The following TRPM3 variants were observed in gnomAD, a reference collection of about 807,000 sequenced individuals.
The protein encoded by TRPM3 is long transient receptor potential channel 3.
In TRPM3, 77 loss-of-function variants were observed where a neutral mutation model predicts 181.2. The observed-to-expected ratio is 0.42, with a 90% confidence interval of 0.35 to 0.51. The LOEUF is 0.51. Ranked by LOEUF, TRPM3 falls within the 20% of genes least tolerant of loss-of-function variation. The probability of loss-of-function intolerance (pLI) is 0.01; values close to 1 mark genes in which losing one functional copy is unlikely to be tolerated. For synonymous variants in TRPM3, 745 were observed against 796.4 expected (o/e 0.94, Z 1.09); for missense variants, 1,759 against 2,196.7 (o/e 0.80, Z 3.98).
intron 1 of TRPM3, among the ~76,000 whole-genome samples, chr9:71,270,449 C>T (rs1026564868): frequency 1.3e-5 from 2 of 152,210 alleles, no homozygotes; most frequent in African/African-American, 4.8e-5. Context: ...GGCCCCTGCT[C>T]ACTGGACTCA....
chr9:71,346,425 A>T (rs1248540551), intron 1 of TRPM3, among the ~76,000 whole-genome samples: 1 of 152,224 alleles, frequency 6.6e-6, no homozygotes, highest in East Asian at 1.9e-4. Context: ...GTACTTTAAG[A>T]AATAAAATAA....
At chr9:71,317,716 G>A (rs2088777846) in intron 1 of TRPM3, among the ~76,000 whole-genome samples, 1 of 151,334 alleles carries the variant, frequency 6.6e-6, no homozygotes, top group African/African-American at 2.4e-5. Context: ...CGAGAGAGAA[G>A]GTGCAACAAA....
At chr9:70,587,557 C>T (rs574745914) in intron 22 of TRPM3, among the ~76,000 whole-genome samples, 64 of 152,288 alleles carry the variant, frequency 4.2e-4, no homozygotes, top group African/African-American at 1.4e-3. Flanking sequence ...AGCTTTGCTC[C>T]GGCCTTGGCA....
At chr9:71,145,418 T>C (rs913117700) in intron 1 of TRPM3, among the ~76,000 whole-genome samples, 5 of 152,136 alleles carry the variant, frequency 3.3e-5, no homozygotes, top group Admixed American at 1.3e-4. Flanking sequence ...ACTTTGAGAA[T>C]GGATTCTGAA....
At chr9:70,558,657 A>G (rs188989576) in intron 22 of TRPM3, among the ~76,000 whole-genome samples, 86 of 152,338 alleles carry the variant, frequency 5.6e-4, no homozygotes, top group Admixed American at 4.8e-3. Context: ...TGTAGGATTA[A>G]TGCAGCTGGG....
intron 1 of TRPM3, among the ~76,000 whole-genome samples, chr9:71,420,794 A>AAAGAGAGAGAGAAAGAGAGG (rs2093733448): frequency 1.5e-5 from 1 of 67,132 alleles, no homozygotes; most frequent in Non-Finnish European, 3.1e-5. Context: ...AGAAAGAGAG[A>AAAGAGAGAGAGAAAGAGAGG]GAAAGAAAGA....
At chr9:71,430,387 G>A (rs1443083933) in intron 1 of TRPM3, among the ~76,000 whole-genome samples, 1 of 152,150 alleles carries the variant, frequency 6.6e-6, no homozygotes, top group Non-Finnish European at 1.5e-5. Context: ...AAGAATGGAT[G>A]GAAATTCTTC....
intron 5 of TRPM3, among the ~76,000 whole-genome samples, chr9:70,828,742 C>A (rs202136279): frequency 4.6e-4 from 67 of 144,250 alleles, no homozygotes; most frequent in African/African-American, 1.6e-3. Context: ...ATACCTATTG[C>A]GAGCTAGTTG....
At chr9:70,805,613 T>C (rs1198427272) in intron 6 of TRPM3, among the ~76,000 whole-genome samples, 1 of 151,980 alleles carries the variant, frequency 6.6e-6, no homozygotes. Context: ...TTGGGTTTAT[T>C]TGAATAAAAG....
At chr9:70,855,605 A>G (rs2095365822) in intron 3 of TRPM3, among the ~76,000 whole-genome samples, 1 of 152,198 alleles carries the variant, frequency 6.6e-6, no homozygotes. Flanking sequence ...TGCTAAATCT[A>G]TTCTAACAAT....
chr9:71,162,220 AG>A (rs760549191), intron 1 of TRPM3, among the ~76,000 whole-genome samples: 20 of 145,208 alleles, frequency 1.4e-4, no homozygotes, highest in African/African-American at 4.0e-4. Flanking sequence ...AAAAAAAAAA[AG>A]AAGAAAAAGA....
intron 9 of TRPM3, among the ~76,000 whole-genome samples, chr9:70,653,088 C>A (rs117904172): frequency 0.031 from 4,765 of 152,116 alleles, 119 homozygotes; most frequent in Non-Finnish European, 0.041. Context: ...AAGGAAAGAA[C>A]ATGTACATGA....
chr9:71,353,582 T>G (rs1034908545), intron 1 of TRPM3, among the ~76,000 whole-genome samples: 1 of 152,194 alleles, frequency 6.6e-6, no homozygotes, highest in African/African-American at 2.4e-5. Flanking sequence ...CTCTTTCCTT[T>G]GCCAAAATTG....
chr9:71,083,232 T>C (rs2133788377), intron 1 of TRPM3, among the ~76,000 whole-genome samples: 1 of 152,236 alleles, frequency 6.6e-6, no homozygotes. Context: ...TAATGATAAC[T>C]ACCATTTATT....
chr9:71,086,431 T>C (rs1382436556), intron 1 of TRPM3, among the ~76,000 whole-genome samples: 1 of 151,960 alleles, frequency 6.6e-6, no homozygotes, highest in Non-Finnish European at 1.5e-5. Flanking sequence ...TAAGTCTAGA[T>C]TATCATAATG....
At chr9:70,980,300 G>T (rs1173473428) in intron 1 of TRPM3, among the ~76,000 whole-genome samples, 3 of 152,070 alleles carry the variant, frequency 2.0e-5, no homozygotes. Flanking sequence ...AAAAAAGAAA[G>T]ATCTGAGTGA....
At chr9:71,104,862 T>C (rs952059637) in intron 1 of TRPM3, among the ~76,000 whole-genome samples, 1 of 152,176 alleles carries the variant, frequency 6.6e-6, no homozygotes, top group Non-Finnish European at 1.5e-5. Context: ...GTGTGACAAC[T>C]GAAACGCTTA....
At chr9:71,398,607 G>A (rs1004345789) in intron 1 of TRPM3, among the ~76,000 whole-genome samples, 5 of 152,124 alleles carry the variant, frequency 3.3e-5, no homozygotes, top group African/African-American at 4.8e-5. Context: ...AAGGTAAAAC[G>A]TGCTTATTTC....
chr9:70,690,175 C>G (rs1232039076), intron 8 of TRPM3, among the ~76,000 whole-genome samples: 4 of 152,122 alleles, frequency 2.6e-5, no homozygotes, highest in Non-Finnish European at 4.4e-5. Context: ...TAAAGGAACA[C>G]TCTACAATCA....
Sources: allele counts gnomAD v4.1 joint callset (sites outside exome capture counted in the v4.1 genomes callset), GRCh38; gene constraint gnomAD v4.1.1; transcripts MANE v1.5; gene names NCBI Gene and HGNC (gene_info 2026-07-23, HGNC 2026-07-21).